AGBL1: variants seen among roughly 807,000 people sequenced by gnomAD.
AGBL1 encodes the protein cytosolic carboxypeptidase 4.
Under a neutral mutation model 118.9 loss-of-function variants are expected in AGBL1, and 130 were observed. The observed-to-expected ratio is 1.09, with a 90% confidence interval of 0.95 to 1.26. The LOEUF (loss-of-function observed/expected upper bound fraction) is 1.26. AGBL1 is among the 50% of genes most tolerant of loss of function. The pLI, the probability that AGBL1 is intolerant of heterozygous loss-of-function variation, is 0.00. For synonymous variants in AGBL1, 555 were observed against 478.9 expected, an observed-to-expected ratio of 1.16 and a Z score of -2.08; for missense variants, 1,584 against 1,298.1, an observed-to-expected ratio of 1.22 and a Z score of -3.38.
intron 21 of AGBL1, among the ~76,000 whole-genome samples, chr15:86,616,206 A>G (rs989950877): frequency 4.2e-4 from 64 of 151,856 alleles, no homozygotes; most frequent in African/African-American, 1.5e-3. Flanking sequence ...GCATTGAGGC[A>G]GGCACCTGTA....
At chr15:86,131,146 A>T (rs949000885) in intron 1 of AGBL1, among the ~76,000 whole-genome samples, 18 of 152,190 alleles carry the variant, frequency 1.2e-4, no homozygotes, top group African/African-American at 4.1e-4. Flanking sequence ...TTCAGATGCA[A>T]GTATCCCAGT....
chr15:86,654,914 T>A (rs182718849), intron 21 of AGBL1, among the ~76,000 whole-genome samples: 43 of 152,196 alleles, frequency 2.8e-4, no homozygotes, highest in African/African-American at 1.0e-3. Flanking sequence ...GGAATCTCTC[T>A]CAGTAGGGTT....
rs973891173 is a variant in AGBL1, at chr15:86,494,364, A to G, written c.2556-28446A>G. ...CTCCCTCCTAGAAGATTTTTCTTAT[A>G]AAGTGTAGAATTTTGTAGGTGGTTC... is the stretch of plus-strand genomic sequence containing the variant. On this transcript the variant is annotated intron_variant, in intron 18 of 22. Transcript: ENST00000614907. Among the ~76,000 whole-genome samples the G allele has an allele frequency of 2.6e-5, 4 of 152,184 alleles. No homozygotes were observed. The South Asian group carries it at 8.3e-4, about 32-fold the overall frequency.
chr15:86,345,312 C>T (rs904591066), intron 17 of AGBL1, among the ~76,000 whole-genome samples: 1 of 152,118 alleles, frequency 6.6e-6, no homozygotes, highest in African/African-American at 2.4e-5. Flanking sequence ...GCTAAGCCAT[C>T]CCCCTGGTGT....
chr15:86,530,274 C>T (rs1434455340), intron 19 of AGBL1, among the ~76,000 whole-genome samples: 2 of 110,150 alleles, frequency 1.8e-5, no homozygotes, highest in Non-Finnish European at 3.4e-5. Context: ...ATCTACCAAG[C>T]CAATGGAAAA....
chr15:86,981,755 T>C (rs1221067008), intron 23 of AGBL1, among the ~76,000 whole-genome samples: 2 of 152,156 alleles, frequency 1.3e-5, no homozygotes, highest in African/African-American at 4.8e-5. Flanking sequence ...AGCCAGCTTC[T>C]AGGCCCAGAA....
intron 22 of AGBL1, among the ~76,000 whole-genome samples, chr15:86,810,898 G>A (rs1431498473): frequency 1.3e-5 from 2 of 152,270 alleles, no homozygotes; most frequent in African/African-American, 2.4e-5. Flanking sequence ...AAGCTCTGGA[G>A]GGGAAATTGT....
chr15:86,879,267 G>T (rs1361892563), intron 22 of AGBL1, among the ~76,000 whole-genome samples: 1 of 152,150 alleles, frequency 6.6e-6, no homozygotes, highest in Non-Finnish European at 1.5e-5. Flanking sequence ...CCAGGTCAAC[G>T]CAGGGCTAAG....
chr15:86,598,481 A>G (rs2469177), intron 21 of AGBL1, among the ~76,000 whole-genome samples: 130,217 of 151,914 alleles, frequency 0.86, 56,824 homozygotes, highest in East Asian at 0.99. Flanking sequence ...ATCAATATTA[A>G]AAATGACATA....
At chr15:86,925,133 A>C (rs1406140922) in intron 23 of AGBL1, among the ~76,000 whole-genome samples, 1 of 23,516 alleles carries the variant, frequency 4.3e-5, no homozygotes, top group Non-Finnish European at 1.3e-4. Context: ...GAAGAGGAAG[A>C]GGAAGAGGAA....
intron 22 of AGBL1, among the ~76,000 whole-genome samples, chr15:86,857,681 T>A (rs1259346514): frequency 6.6e-6 from 1 of 152,182 alleles, no homozygotes; most frequent in East Asian, 1.9e-4. Flanking sequence ...TGTGACTCTT[T>A]CATTCAGACC....
chr15:86,636,951 C>G (rs992423433), intron 21 of AGBL1, among the ~76,000 whole-genome samples: 15 of 151,236 alleles, frequency 9.9e-5, no homozygotes, highest in African/African-American at 3.6e-4. Flanking sequence ...AAGAACAGAT[C>G]TCATCTTCAA....
At chr15:86,755,012 A>G (rs929840414) in intron 22 of AGBL1, among the ~76,000 whole-genome samples, 4 of 152,132 alleles carry the variant, frequency 2.6e-5, no homozygotes, top group African/African-American at 9.7e-5. Flanking sequence ...CTTGAGATTT[A>G]TCAGAAACCT....
Position 86,587,427 on chromosome 15 carries a change from G to T in AGBL1, c.2994+32890G>T, listed in dbSNP as rs750757241. On this transcript the variant is annotated intron_variant, in intron 21 of 22. Coordinates refer to ENST00000614907, the MANE Select transcript of AGBL1 (RefSeq NM_001386094.1). ...AGCACCGTTTCAGTGTTTGGAGAAA[G>T]ATGAGATTATATTTGGTTGCTTGGG... 2.2e-4 allele frequency among the ~76,000 whole-genome samples: 34 copies of T among 152,182 alleles called. 1 individual carries two copies. The highest frequency in any genetic ancestry group is 6.5e-5 in the Admixed American group (1 of 15,274).
At chr15:86,595,849 T>C (rs562738179) in intron 21 of AGBL1, among the ~76,000 whole-genome samples, 2 of 152,134 alleles carry the variant, frequency 1.3e-5, no homozygotes, top group African/African-American at 2.4e-5. Flanking sequence ...GCACTGCTGA[T>C]TGGTTGGAGA....
At chr15:86,090,033 C>T (rs549463843) in intron 1 of AGBL1, among the ~76,000 whole-genome samples, 1 of 152,244 alleles carries the variant, frequency 6.6e-6, no homozygotes, top group African/African-American at 2.4e-5. Flanking sequence ...TTACTATGTA[C>T]CAGGAAATAG....
At chr15:86,686,781 A>G (rs941846549) in intron 22 of AGBL1, among the ~76,000 whole-genome samples, 2 of 152,126 alleles carry the variant, frequency 1.3e-5, no homozygotes, top group African/African-American at 4.8e-5. Context: ...CTCACAACAA[A>G]TAGTCATGAG....
chr15:86,621,794 T>C (rs2084809613), intron 21 of AGBL1, among the ~76,000 whole-genome samples: 2 of 152,214 alleles, frequency 1.3e-5, no homozygotes, highest in African/African-American at 4.8e-5. Flanking sequence ...GAGAAATAAA[T>C]CATAAAATGT....
At chr15:86,195,962 A>G (rs953643552) in intron 5 of AGBL1, among the ~76,000 whole-genome samples, 1 of 152,212 alleles carries the variant, frequency 6.6e-6, no homozygotes, top group Non-Finnish European at 1.5e-5. Flanking sequence ...CTTACTGAGG[A>G]GAAAATAAAA....
Sources: gnomAD v4.1 joint callset for allele counts (sites outside exome capture counted in the v4.1 genomes callset) on GRCh38, gnomAD v4.1.1 for gene constraint, MANE v1.5 for transcripts, NCBI Gene and HGNC (gene_info 2026-07-23, HGNC 2026-07-21) for gene names.